Variants in TUSC3 observed in about 807,000 individuals in gnomAD.
TUSC3 encodes dolichyl-diphosphooligosaccharide--protein glycosyltransferase subunit TUSC3.
A neutral mutation model predicts 44.8 loss-of-function variants in TUSC3; 45 were observed. That is an observed-to-expected ratio of 1.00 (90% CI 0.79 to 1.29). The LOEUF (loss-of-function observed/expected upper bound fraction) is 1.29, where lower values mean the gene tolerates loss of function less well. Ranked by LOEUF, TUSC3 falls within the 50% of genes most tolerant of loss-of-function variation. TUSC3 has a pLI of 0.00. For synonymous variants in TUSC3, 212 were observed against 152.9 expected (o/e 1.39, Z -2.85); for missense variants, 519 against 437.9 (o/e 1.19, Z -1.65).
intron 1 of TUSC3, among the ~76,000 whole-genome samples, chr8:15,612,892 A>C (rs1585153078): frequency 1.3e-5 from 2 of 152,070 alleles, no homozygotes; most frequent in African/African-American, 4.8e-5. Flanking sequence ...CACTGATCGG[A>C]CCAGTCTAGA....
chr8:15,814,355 T>C, the TUSC3 span, among the ~76,000 whole-genome samples: 1 of 152,180 alleles, frequency 6.6e-6, no homozygotes, highest in African/African-American at 2.4e-5. Context: ...TTACCTGACT[T>C]CTTGCAGGAA....
At chr8:15,666,471 A>G (rs929111377) in intron 5 of TUSC3, among the ~76,000 whole-genome samples, 1 of 151,388 alleles carries the variant, frequency 6.6e-6, no homozygotes, top group East Asian at 1.9e-4. Flanking sequence ...AAAATCTTCA[A>G]CATTGGAGAT....
chr8:15,848,829 C>A, the TUSC3 span, among the ~76,000 whole-genome samples: 1 of 152,196 alleles, frequency 6.6e-6, no homozygotes, highest in African/African-American at 2.4e-5. Context: ...TTCCTTAAAA[C>A]AAGGAGGTTG....
chr8:15,617,371 C>A (rs984454287), intron 1 of TUSC3, among the ~76,000 whole-genome samples: 11 of 151,928 alleles, frequency 7.2e-5, no homozygotes, highest in African/African-American at 2.4e-4. Flanking sequence ...AACTCCTGAC[C>A]TCTTGATCTG....
chr8:15,725,983 T>A (rs1810480719), intron 6 of TUSC3, among the ~76,000 whole-genome samples: 1 of 152,202 alleles, frequency 6.6e-6, no homozygotes, highest in African/African-American at 2.4e-5. Context: ...AAGTTTAGTT[T>A]GCTTTTTGTT....
intron 2 of TUSC3, among the ~76,000 whole-genome samples, chr8:15,629,446 T>C (rs935015395): frequency 6.6e-6 from 1 of 151,924 alleles, no homozygotes; most frequent in Non-Finnish European, 1.5e-5. Flanking sequence ...TTTCTACAAA[T>C]ATTTTTCAAG....
intron 2 of TUSC3, among the ~76,000 whole-genome samples, chr8:15,534,161 A>G (rs1173989635): frequency 6.6e-6 from 1 of 152,016 alleles, no homozygotes; most frequent in Non-Finnish European, 1.5e-5. Context: ...TTTATTTTCC[A>G]TTCACAGCCT....
chr8:15,653,293 G>C (rs1167643838), intron 3 of TUSC3, among the ~76,000 whole-genome samples: 3 of 152,070 alleles, frequency 2.0e-5, no homozygotes, highest in Admixed American at 6.6e-5. Context: ...CATGTAGCTA[G>C]ATCTCTCTCA....
downstream of TUSC3, among the ~76,000 whole-genome samples, chr8:15,768,280 T>A (rs375054204): frequency 5.9e-5 from 9 of 152,028 alleles, no homozygotes; most frequent in African/African-American, 2.2e-4. Flanking sequence ...ACTAAACAAA[T>A]CACTGCTACA....
chr8:15,658,620 G>C (rs1047438771), intron 3 of TUSC3, among the ~76,000 whole-genome samples: 6 of 129,996 alleles, frequency 4.6e-5, no homozygotes, highest in African/African-American at 1.9e-4. Flanking sequence ...TTTAATTCGT[G>C]TATATATACA....
chr8:15,469,630 C>T (rs1404710357), intron 1 of TUSC3, among the ~76,000 whole-genome samples: 1 of 152,174 alleles, frequency 6.6e-6, no homozygotes, highest in Non-Finnish European at 1.5e-5. Context: ...TGTGATTCAA[C>T]AGTTATGCTC....
chr8:15,593,737 G>A (rs1049834563), intron 1 of TUSC3, among the ~76,000 whole-genome samples: 1 of 151,880 alleles, frequency 6.6e-6, no homozygotes, highest in Non-Finnish European at 1.5e-5. Context: ...CTAATTTTCA[G>A]TTTTTCCCTT....
In TUSC3 at chr8:15,513,790, A is replaced by T. The variant is rs116068255; in HGVS notation, n.189+30307A>T. 4.7e-3 allele frequency among the ~76,000 whole-genome samples: 714 copies of T among 152,330 alleles called. 8 individuals are homozygous for T. Among genetic ancestry groups the T allele is most frequent in the African/African-American group, 0.016 (682 of 41,574 alleles). ...GTCTCAGGTACGTGACAAAACTCTC[A>T]TAGGAGCCAACTGCACTTATATCTC... On this transcript the variant is annotated intron_variant and non_coding_transcript_variant, in intron 2 of 5. Transcript: ENST00000503191.
intron 1 of TUSC3, among the ~76,000 whole-genome samples, chr8:15,567,580 A>G (rs1267701087): frequency 3.9e-5 from 6 of 152,162 alleles, no homozygotes; most frequent in African/African-American, 1.2e-4. Context: ...GCTCTCTTGT[A>G]TCGCTTTTTA....
intron 6 of TUSC3, among the ~76,000 whole-genome samples, chr8:15,685,010 C>A (rs563352609): frequency 5.3e-5 from 8 of 152,204 alleles, no homozygotes; most frequent in African/African-American, 1.9e-4. Flanking sequence ...TGCTCTCTTG[C>A]AGCCTAGCAG....
intron 2 of TUSC3, among the ~76,000 whole-genome samples, chr8:15,624,164 A>T (rs1805386307): frequency 6.6e-6 from 1 of 152,210 alleles, no homozygotes; most frequent in Admixed American, 6.5e-5. Context: ...TTATTTTTTT[A>T]AATTACTGAA....
chr8:15,497,143 C>T (rs905832968), intron 2 of TUSC3, among the ~76,000 whole-genome samples: 6 of 152,120 alleles, frequency 3.9e-5, no homozygotes, highest in African/African-American at 1.4e-4. Context: ...TGGTGGTTGT[C>T]GTTTCAAATT....
At chr8:15,447,854 C>G (rs923290207) in intron 1 of TUSC3, among the ~76,000 whole-genome samples, 2 of 151,304 alleles carry the variant, frequency 1.3e-5, no homozygotes, top group Admixed American at 6.6e-5. Flanking sequence ...AACAGAGACT[C>G]CCTCATCGTA....
At chr8:15,632,882 G>C (rs1390835772) in intron 2 of TUSC3, among the ~76,000 whole-genome samples, 1 of 152,046 alleles carries the variant, frequency 6.6e-6, no homozygotes, top group Non-Finnish European at 1.5e-5. Context: ...ATCTCCTTTA[G>C]TCTACTTTCT....
Sources: allele counts gnomAD v4.1 joint callset (sites outside exome capture counted in the v4.1 genomes callset), GRCh38; gene constraint gnomAD v4.1.1; transcripts MANE v1.5; gene names NCBI Gene and HGNC (gene_info 2026-07-23, HGNC 2026-07-21).